Variants in DENND6B observed in about 807,000 individuals in gnomAD.
DENND6B encodes the protein protein DENND6B.
DENND6B carries 73 observed loss-of-function variants against 85.1 expected under a neutral mutation model. That is an observed-to-expected ratio of 0.86 (90% confidence interval 0.71 to 1.04). The LOEUF is 1.04. Ranked by LOEUF, DENND6B falls within the 50% of genes least tolerant of loss-of-function variation. The probability of loss-of-function intolerance (pLI) is 0.00; values close to 1 mark genes in which losing one functional copy is unlikely to be tolerated. For missense variants in DENND6B, 715 were observed against 785.8 expected (o/e 0.91, Z 1.08); for synonymous variants, 357 against 329.3 (o/e 1.08, Z -0.91).
chr22:50,317,459 G>C, intron 4 of DENND6B, 86 bp from the exon 5 acceptor site: 1 of 1,452,560 alleles, frequency 6.9e-7, no homozygotes, highest in South Asian at 1.2e-5. Flanking sequence ...GAGCATGCAG[G>C]GACTGCTGCA....
In DENND6B at chr22:50,317,367, G is replaced by T; in HGVS notation, c.379C>A (p.Pro127Thr). 1 of 1,612,740 alleles carries T rather than the reference G, an allele frequency of 6.2e-7. No homozygotes were observed. The highest frequency in any genetic ancestry group is 8.5e-7 in the Non-Finnish European group (1 of 1,179,612). Residue 127 changes from proline (P) to threonine (T), a missense_variant, in exon 5 of 20, where the codon CCG becomes ACG. Physicochemically the swap from Pro to Thr is conservative, Grantham distance 38. Transcript: ENST00000413817. ...SRAPVALQREPAHYFGYVYFR... is the reference protein window; with the variant it reads ...SRAPVALQRETAHYFGYVYFR... ...TACACGTAGCCGAAGTAGTGTGCCG[G>T]CTCCCTCTGCAAGGAGCATGGTGTT...
intron 1 of DENND6B, among the ~76,000 whole-genome samples, chr22:50,323,594 T>C (rs973097674): frequency 3.9e-5 from 6 of 151,914 alleles, no homozygotes; most frequent in Non-Finnish European, 4.4e-5. Flanking sequence ...CCTCATTTTG[T>C]ATTTTTTGTA....
intron 3 of DENND6B, 29 bp downstream of exon 3, chr22:50,318,818 C>G (rs1190185384): frequency 1.2e-6 from 2 of 1,611,962 alleles, no homozygotes; most frequent in Non-Finnish European, 1.7e-6. Flanking sequence ...GGCTTCATGT[C>G]CAGCCCCAGG....
chr22:50,312,854 C>T, intron 17 of DENND6B, 145 bp downstream of exon 17: 1 of 284,406 alleles, frequency 3.5e-6, no homozygotes, highest in Admixed American at 1.1e-4. Flanking sequence ...TGGGGATTGA[C>T]AGGCGGGGGG....
Position 50,314,361 on chromosome 22 carries a change from T to C in DENND6B, c.1072+39A>G, listed in dbSNP as rs773670842. 8.3e-6 allele frequency: 13 copies of C among 1,571,680 alleles called. No homozygotes were observed. The East Asian group carries it at 2.4e-4, about 28-fold the overall frequency. ...GAGGCGGCCCCACACTCAACGAGGC[T>C]TCTGAGCAGCACCCCCTGCACCTCA... On this transcript the variant is annotated intron_variant, in intron 12 of 19. Coordinates refer to ENST00000413817, the MANE Select transcript of DENND6B (RefSeq NM_001001794.4).
In DENND6B at chr22:50,317,923, G is replaced by A; in HGVS notation, c.357C>T (p.Ala119=). 1.2e-6 allele frequency: 2 copies of A among 1,608,854 alleles called. No individual in the cohort carries two copies. Among genetic ancestry groups the A allele is most frequent in the African/African-American group, 2.7e-5 (2 of 75,008 alleles). ...HADDRHYNSR[A]PVALQREPAH... Reference sequence around the variant, plus strand: ...CAGTGCTCACCTGCAGTGCCACAGGGGCCCTGCTGTTGTAGTGCCTGTCGT... The same window carrying A: ...CAGTGCTCACCTGCAGTGCCACAGGAGCCCTGCTGTTGTAGTGCCTGTCGT... Residue 119 remains alanine (A), a synonymous_variant, in exon 4 of 20, where the codon GCC becomes GCT. Transcript: ENST00000413817.
rs537834707 is a variant in DENND6B, at chr22:50,316,043, C to T, written c.684G>A (p.Pro228=). The T allele has an allele frequency of 7.1e-5, 114 of 1,612,708 alleles. 1 individual carries two copies. The highest frequency in any genetic ancestry group is 6.9e-4 in the South Asian group (63 of 91,088). Residue 228 remains proline (P), a synonymous_variant, in exon 8 of 20, where the codon CCG becomes CCA. Coordinates refer to ENST00000413817, the MANE Select transcript of DENND6B (RefSeq NM_001001794.4). ...CTCCCACCTCTTGGTCAAACTGCTT[C>T]GGAGGACTGGACTCGGACTTGTCCA... The part of the protein sequence containing the change: ...SRVDKSESSP[P]KQFDQENLLP...
chr22:50,319,187 C>G, intron 1 of DENND6B, 184 bp from the exon 2 acceptor site: 1 of 1,510,132 alleles, frequency 6.6e-7, no homozygotes, highest in Non-Finnish European at 8.8e-7. Flanking sequence ...ATCCTCCCCA[C>G]ACCATATTCT....
In DENND6B at chr22:50,309,922, T is replaced by C. The variant is rs2068038706; in HGVS notation, c.*2217A>G. 1.3e-5 allele frequency: 2 copies of C among 152,420 alleles called. No homozygotes were observed. The highest frequency in any genetic ancestry group is 2.9e-5 in the Non-Finnish European group (2 of 68,088). 9.4% of individuals were successfully genotyped at this position (152,420 alleles called of 1,614,324 possible). A position where few individuals can be genotyped will look rare whatever the true frequency, so the allele number is the denominator to read the frequency against. On this transcript the variant is annotated 3_prime_UTR_variant, in exon 20 of 20. Coordinates refer to ENST00000413817, the MANE Select transcript of DENND6B (RefSeq NM_001001794.4). The stretch of plus-strand genomic sequence containing the variant: ...GGTCCTTGGGGTGCGCTCCCCAAAG[T>C]GGGGTCACAGTTGTGAGAGAGGTGG...
chr22:50,314,339 G>A (rs2041707830), intron 12 of DENND6B, 61 bp downstream of exon 12: 16 of 1,584,066 alleles, frequency 1.0e-5, no homozygotes, highest in South Asian at 4.5e-5. Flanking sequence ...GGGCTCTGAG[G>A]CGGCCCCACA....
chr22:50,318,401 T>C (rs1255812504), intron 3 of DENND6B, among the ~76,000 whole-genome samples: 1 of 152,178 alleles, frequency 6.6e-6, no homozygotes, highest in Admixed American at 6.5e-5. Flanking sequence ...CCCAATGGGC[T>C]CCTATTCTGA....
At chr22:50,322,965 C>T (rs1413296807) in intron 1 of DENND6B, among the ~76,000 whole-genome samples, 1 of 150,116 alleles carries the variant, frequency 6.7e-6, no homozygotes, top group Non-Finnish European at 1.5e-5. Flanking sequence ...ATTCTCCTGA[C>T]TCAGCCTCCC....
chr22:50,312,380 T>G lies in DENND6B; in HGVS notation c.1598A>C (p.Glu533Ala), dbSNP rs756590765. The G allele has an allele frequency of 1.2e-6, 2 of 1,611,850 alleles. No homozygotes were observed. The highest frequency in any genetic ancestry group is 2.2e-5 in the South Asian group (2 of 90,800). The change falls in exon 19 of 20, where the codon GAG becomes GCG. Residue 533 changes from glutamate to alanine, a missense_variant. Glu to Ala is a moderately radical substitution (Grantham distance 107, BLOSUM62 -1). Transcript: ENST00000413817. ...AAGTTTCAGGACCAGGTCCACGACC[T>G]CCACCTCGGACTTGTCTTTCATCCA... is the stretch of plus-strand genomic sequence containing the variant. The part of the protein sequence containing the change: ...ETWMKDKSEV[E>A]VVDLVLKLRE...
rs959254235 is a variant in DENND6B at position 50,319,363 on chromosome 22, G to A, written c.178-360C>T. ...CTCCCACCTCCCCAGGCCCCTCTCAGTAAGAGGCCAGCACAATTGGGTGAG... is the reference window on the plus strand; with the variant it reads ...CTCCCACCTCCCCAGGCCCCTCTCAATAAGAGGCCAGCACAATTGGGTGAG... On this transcript the variant is annotated intron_variant, in intron 1 of 19. Transcript: ENST00000413817. 3.9e-5 allele frequency: 38 copies of A among 985,344 alleles called. No homozygotes were observed. The South Asian group carries it at 1.6e-3, about 40-fold the overall frequency. The allele number at this position is 985,344 out of a possible 1,614,324, so 61.0% of individuals were successfully genotyped here.
chr22:50,316,134 C>A, intron 7 of DENND6B, 40 bp downstream of exon 7: 1 of 1,612,644 alleles, frequency 6.2e-7, no homozygotes, highest in Middle Eastern at 1.6e-4. Context: ...GGCATCCCCA[C>A]ACACCTGCAG....
At chr22:50,326,230 A>C (rs1176676947) in intron 1 of DENND6B, among the ~76,000 whole-genome samples, 2 of 152,240 alleles carry the variant, frequency 1.3e-5, no homozygotes, top group East Asian at 1.9e-4. Flanking sequence ...ACGAGCAAGA[A>C]CACCACAAGA....
Position 50,311,789 on chromosome 22 carries a change from G to C in DENND6B, c.*350C>G, listed in dbSNP as rs34244788. 20,714 of 348,732 alleles carry C rather than the reference G, an allele frequency of 0.059. 1,702 individuals carry two copies. Among genetic ancestry groups the C allele is most frequent in the African/African-American group, 0.25 (12,013 of 47,442 alleles). The allele number at this position is 348,732 out of a possible 1,614,324, so 21.6% of individuals were successfully genotyped here. A position where few individuals can be genotyped will look rare whatever the true frequency, so the allele number is the denominator to read the frequency against. ...GGAAGCATCACACACAGCGCAGGGGGGTCGGGGGCCAACAGATGGGCACCG... is the reference window on the plus strand; with the variant it reads ...GGAAGCATCACACACAGCGCAGGGGCGTCGGGGGCCAACAGATGGGCACCG... On this transcript the variant is annotated 3_prime_UTR_variant, in exon 20 of 20. Transcript: ENST00000413817.
chr22:50,326,982 C>G lies in DENND6B; in HGVS notation c.7G>C (p.Ala3Pro). 1.1e-5 allele frequency: 13 copies of G among 1,199,104 alleles called. No individual in the cohort carries two copies. The highest frequency in any genetic ancestry group is 1.3e-5 in the Non-Finnish European group (13 of 968,226). 74.3% of individuals were successfully genotyped at this position (1,199,104 alleles called of 1,614,324 possible). A position where few individuals can be genotyped will look rare whatever the true frequency, so the allele number is the denominator to read the frequency against. ...CGGCGAGGCCCTGTGCCCAACAGCG[C>G]GTCCATGGCGGCGGCCGCGGGTTGC... Reference protein sequence around the residue: MDALLGTGPRRAR... With the variant: MDPLLGTGPRRAR... Residue 3 changes from alanine (A) to proline (P), a missense_variant, in exon 1 of 20, where the codon GCG (alanine) becomes CCG (proline). By Grantham distance (27) the Ala-to-Pro change is conservative. Transcript: ENST00000413817.
chr22:50,325,161 A>G (rs181223725), intron 1 of DENND6B, among the ~76,000 whole-genome samples: 7 of 152,266 alleles, frequency 4.6e-5, no homozygotes, highest in Non-Finnish European at 1.0e-4. Flanking sequence ...GGTTTCGCTC[A>G]TGGACCTGGG....
Sources: gnomAD v4.1 joint callset for allele counts (sites outside exome capture counted in the v4.1 genomes callset) on GRCh38, gnomAD v4.1.1 for gene constraint, MANE v1.5 for transcripts, NCBI Gene and HGNC (gene_info 2026-07-23, HGNC 2026-07-21) for gene names.